Variants in PLEC observed in about 807,000 individuals in gnomAD.
PLEC encodes plectin.
Under a neutral mutation model 392.8 loss-of-function variants are expected in PLEC, and 216 were observed. That is an observed-to-expected ratio of 0.55 (90% CI 0.49 to 0.62). PLEC has a LOEUF of 0.62. Among genes scored for constraint, PLEC ranks in the 20% least tolerant of loss-of-function variants. The probability of loss-of-function intolerance (pLI) is 0.00; values close to 1 mark genes in which losing one functional copy is unlikely to be tolerated. For missense variants in PLEC, 6,863 were observed against 6,563.4 expected (o/e 1.05, Z -1.58); for synonymous variants, 3,621 against 2,980.6 (o/e 1.21, Z -7.00).
rs988628519 is a variant in PLEC, at chr8:143,919,513, G to A, written c.10308C>T (p.Tyr3436=). 6.8e-6 allele frequency: 11 copies of A among 1,612,422 alleles called. No homozygotes were observed. The highest frequency in any genetic ancestry group is 1.1e-5 in the South Asian group (1 of 91,092). ...LLSAEKAVTG[Y]RDPYSGSTIS... ...TGGTGCTGCCCGAGTAGGGGTCTCTGTAGCCGGTGACGGCCTTCTCGGCAG... is the reference window on the plus strand; with the variant it reads ...TGGTGCTGCCCGAGTAGGGGTCTCTATAGCCGGTGACGGCCTTCTCGGCAG... The change falls in exon 32 of 32, where the codon TAC becomes TAT. Residue 3436 remains tyrosine, a synonymous_variant. Transcript: ENST00000345136.
In PLEC at chr8:143,933,287, T is replaced by A; in HGVS notation, c.1328A>T (p.Asp443Val). ...CAGCCGGATCATGCTATCCGCCTTGTCCAAGTCCCGTTCCACCTCCCCCGC... is the reference window on the plus strand; with the variant it reads ...CAGCCGGATCATGCTATCCGCCTTGACCAAGTCCCGTTCCACCTCCCCCGC... ...QRAGEVERDL[D>V]KADSMIRLLF... Residue 443 changes from aspartate to valine, a missense_variant, in exon 13 of 32, where the codon GAC becomes GTC. Asp to Val is a radical substitution (Grantham distance 152). Transcript: ENST00000345136. The A allele has an allele frequency of 6.2e-7, 1 of 1,613,114 alleles. No homozygotes were observed. The highest frequency in any genetic ancestry group is 8.5e-7 in the Non-Finnish European group (1 of 1,179,948).
chr8:143,925,869 G>A lies in PLEC; in HGVS notation c.4060C>T (p.Gln1354Ter). ...MEEEERLAEQ[Q>*]RAEERERLAE... ...AGCCGCTCGCGCTCCTCTGCCCGCTGCTGCTCAGCCAGCCTCTGTGGCCAC... is the reference window on the plus strand; with the variant it reads ...AGCCGCTCGCGCTCCTCTGCCCGCTACTGCTCAGCCAGCCTCTGTGGCCAC... Residue 1354 changes from glutamine to a stop codon, truncating the protein, a stop_gained, in exon 31 of 32, where the codon CAG (glutamine) becomes TAG (stop). Coordinates refer to ENST00000345136, the MANE Select transcript of PLEC (RefSeq NM_201384.3). LOFTEE classifies it high-confidence loss of function. 6.5e-7 allele frequency: 1 copy of A among 1,546,802 alleles called. No individual in the cohort carries two copies. The highest frequency in any genetic ancestry group is 8.7e-7 in the Non-Finnish European group (1 of 1,152,680).
At chr8:143,974,993 T>C (rs570557504), upstream of PLEC, among the ~76,000 whole-genome samples, 9 of 152,202 alleles carry the variant, frequency 5.9e-5, no homozygotes, top group African/African-American at 2.2e-4. This position sits in a 1 kb window ranked among gnomAD's most constrained non-coding sequence, Gnocchi z 5.9. Flanking sequence ...ATGAACCGCC[T>C]GGGCGCGGCC....
chr8:143,921,315 C>A lies in PLEC; in HGVS notation c.8506G>T (p.Asp2836Tyr), dbSNP rs200814155. ...GCCAGGACGCGGTTCATCTCCTCGT[C>A]GAAGTAGCCGCGCCGGTAGGCCACG... is the stretch of plus-strand genomic sequence containing the variant. Reference protein sequence around the residue: ...VDVAYRRGYFDEEMNRVLADP... With the variant: ...VDVAYRRGYFYEEMNRVLADP... The change falls in exon 32 of 32, where the codon GAC becomes TAC. Residue 2836 changes from aspartate to tyrosine, a missense_variant. Asp to Tyr is a radical substitution (Grantham distance 160). Transcript: ENST00000345136. The A allele has an allele frequency of 1.2e-6, 2 of 1,613,940 alleles. No individual in the cohort carries two copies. The highest frequency in any genetic ancestry group is 1.1e-5 in the South Asian group (1 of 91,086).
rs982487841 is a variant in PLEC at position 143,959,926 on chromosome 8, C to T, written c.70+13477G>A. On this transcript the variant is annotated intron_variant, in intron 1 of 31. Coordinates refer to the PLEC transcript ENST00000356346. The stretch of plus-strand genomic sequence containing the variant: ...CAGGAGAAGTGGAGGTTGCATTGAG[C>T]TGAGATCATGCCACTACACTCCAGC... Among the ~76,000 whole-genome samples, 17 of 152,120 alleles carry T rather than the reference C, an allele frequency of 1.1e-4. No homozygotes were observed. In the South Asian group the frequency reaches 3.5e-3, roughly 32 times the overall value.
At chr8:143,949,017 C>G (rs1426757738) in intron 1 of PLEC, among the ~76,000 whole-genome samples, 3 of 152,192 alleles carry the variant, frequency 2.0e-5, no homozygotes, top group African/African-American at 4.8e-5. Context: ...TCCAAAGCCG[C>G]AGAGAGAGCC....
Position 143,939,263 on chromosome 8 carries a change from C to T in PLEC, c.112+87G>A, listed in dbSNP as rs555071978. The T allele has an allele frequency of 3.5e-5, 53 of 1,522,510 alleles. No individual in the cohort carries two copies. In the Admixed American group the frequency reaches 5.5e-4, roughly 16 times the overall value. 94.3% of individuals were successfully genotyped at this position (1,522,510 alleles called of 1,614,324 possible). A position where few individuals can be genotyped will look rare whatever the true frequency, so the allele number is the denominator to read the frequency against. On this transcript the variant is annotated intron_variant, in intron 1 of 31. Transcript: ENST00000345136. ...CTCCAAGACCAGCCCCCCAGCGGTG[C>T]CAAGGCTTTCCTGCCACAGGAAGTG...
rs753327457 is a variant in PLEC at position 143,925,096 on chromosome 8, C to G, written c.4833G>C (p.Glu1611Asp). ...VAVAQLREEA[E>D]RRAQQQAEAE... The stretch of plus-strand genomic sequence containing the variant: ...CCTCGGCCTGCTGCTGTGCCCGCCG[C>G]TCAGCCTCCTCCCGCAGCTGTGCCA... Residue 1611 changes from glutamate (E) to aspartate (D), a missense_variant, in exon 31 of 32, where the codon GAG becomes GAC. Physicochemically the swap from Glu to Asp is conservative, Grantham distance 45. Transcript: ENST00000345136. 9.0e-6 allele frequency: 14 copies of G among 1,550,294 alleles called. No individual in the cohort carries two copies. The highest frequency in any genetic ancestry group is 1.2e-5 in the South Asian group (1 of 85,486).
At chr8:143,941,516 G>A (rs984091162), upstream of PLEC, among the ~76,000 whole-genome samples, 33 of 152,042 alleles carry the variant, frequency 2.2e-4, 2 homozygotes, top group Admixed American at 2.0e-3. Context: ...TGAGGAGAAG[G>A]GCTGGGGCGG....
chr8:143,947,437 C>G (rs1480870942), intron 1 of PLEC, among the ~76,000 whole-genome samples: 1 of 152,220 alleles, frequency 6.6e-6, no homozygotes, highest in Non-Finnish European at 1.5e-5. Context: ...GAATTTTGAG[C>G]CAGGCAAAGC....
chr8:143,973,277 G>T lies in PLEC; in HGVS notation c.70+126C>A. The T allele has an allele frequency of 8.6e-7, 1 of 1,164,740 alleles. No homozygotes were observed. The highest frequency in any genetic ancestry group is 1.2e-6 in the Non-Finnish European group (1 of 844,790). 72.2% of individuals were successfully genotyped at this position (1,164,740 alleles called of 1,614,324 possible). A position where few individuals can be genotyped will look rare whatever the true frequency, so the allele number is the denominator to read the frequency against. On this transcript the variant is annotated intron_variant, in intron 1 of 31. Coordinates refer to the PLEC transcript ENST00000356346. The surrounding 1 kb of genome is among the most constrained non-coding windows in gnomAD (Gnocchi z 5.6). ...ACTGGCAGCCGTTGGGGGCGATCCA[G>T]GCGGACGAGGCCGGCGGAGTGGCCG...
chr8:143,918,199 G>C lies in PLEC; in HGVS notation c.11622C>G (p.Leu3874=). Residue 3874 remains leucine (L), a synonymous_variant, in exon 32 of 32, where the codon CTC becomes CTG. Transcript: ENST00000345136. The part of the protein sequence containing the change: ...CRRDDGTGQL[L]LPLSDARKLT... Reference sequence around the variant, plus strand: ...GCTTGCGGGCGTCCGACAGTGGCAGGAGCAGCTGGCCGGTGCCGTCGTCAC... The same window carrying C: ...GCTTGCGGGCGTCCGACAGTGGCAGCAGCAGCTGGCCGGTGCCGTCGTCAC... 1 of 1,587,804 alleles carries C rather than the reference G, an allele frequency of 6.3e-7. No homozygotes were observed. The highest frequency in any genetic ancestry group is 8.5e-7 in the Non-Finnish European group (1 of 1,173,786).
chr8:143,971,641 C>T (rs151075812), intron 1 of PLEC, among the ~76,000 whole-genome samples: 46 of 152,344 alleles, frequency 3.0e-4, no homozygotes, highest in African/African-American at 1.0e-3. Context: ...CCCCTTGTCT[C>T]AAGCCAGGAG....
rs1825510386 is a variant in PLEC, at chr8:143,927,168, G to C, written c.3840+84C>G. The C allele has an allele frequency of 7.0e-6, 11 of 1,565,984 alleles. No individual in the cohort carries two copies. In the East Asian group the frequency reaches 2.5e-4, roughly 35 times the overall value. On this transcript the variant is annotated intron_variant, in intron 28 of 31. Transcript: ENST00000345136. The stretch of plus-strand genomic sequence containing the variant: ...TAAACCCTCACATGGGCTTTCCCTG[G>C]CATGGCCCAGGCTCAGGGAAAGCCC...
At chr8:143,947,595 C>A (rs1047495060) in intron 1 of PLEC, among the ~76,000 whole-genome samples, 20 of 149,906 alleles carry the variant, frequency 1.3e-4, no homozygotes, top group Non-Finnish European at 2.2e-4. Flanking sequence ...AAAAAAAAAA[C>A]AAAAATTAGC....
chr8:143,942,089 C>G (rs1200659747), upstream of PLEC, among the ~76,000 whole-genome samples: 1 of 152,150 alleles, frequency 6.6e-6, no homozygotes, highest in Non-Finnish European at 1.5e-5. Context: ...CCTCCTCCCT[C>G]CCCCGTGTCC....
chr8:143,975,363 C>G (rs782440685), upstream of PLEC: 1 of 1,608,180 alleles, frequency 6.2e-7, no homozygotes, highest in Admixed American at 1.7e-5. The surrounding 1 kb of genome is among the most constrained non-coding windows in gnomAD (Gnocchi z 9.9). Flanking sequence ...GCGTCCTCAC[C>G]CGACATGGCC....
In PLEC at chr8:143,973,410, C is replaced by G. The variant is rs1468931045; in HGVS notation, c.63G>C (p.Lys21Asn). The change falls in exon 1 of 32, where the codon AAG becomes AAC. Residue 21 changes from lysine to asparagine, a missense_variant. Physicochemically the swap from Lys to Asn is moderately conservative, Grantham distance 94. Coordinates refer to the PLEC transcript ENST00000356346. The surrounding 1 kb of genome is among the most constrained non-coding windows in gnomAD (Gnocchi z 5.6). Reference sequence around the variant, plus strand: ...CGGGACGGGGGGCCGTACCTTTGTACTTCTCGCGCACCTCCTCGTAGGCCT... The same window carrying G: ...CGGGACGGGGGGCCGTACCTTTGTAGTTCTCGCGCACCTCCTCGTAGGCCT... 3.9e-6 allele frequency: 6 copies of G among 1,556,340 alleles called. No individual in the cohort carries two copies. Among genetic ancestry groups the G allele is most frequent in the Non-Finnish European group, 5.2e-6 (6 of 1,151,562 alleles).
intron 1 of PLEC, among the ~76,000 whole-genome samples, chr8:143,962,661 C>T (rs1832922103): frequency 6.6e-6 from 1 of 152,274 alleles, no homozygotes; most frequent in South Asian, 2.1e-4. Context: ...TAGAAGGCAA[C>T]GAGGAAAGTG....
Sources: gnomAD v4.1 joint callset for allele counts (sites outside exome capture counted in the v4.1 genomes callset) on GRCh38, gnomAD v4.1.1 for gene constraint, Gnocchi (gnomAD v3.1) non-coding constraint, MANE v1.5 for transcripts, NCBI Gene and HGNC (gene_info 2026-07-23, HGNC 2026-07-21) for gene names.